MAML2: variants seen among roughly 807,000 people sequenced by gnomAD.
MAML2 encodes mastermind like transcriptional coactivator 2.
In MAML2, 22 loss-of-function variants were observed where a neutral mutation model predicts 96.1. The observed-to-expected ratio is 0.23, with a 90% CI of 0.16 to 0.33. MAML2 has a LOEUF of 0.33. Among genes scored for constraint, MAML2 ranks in the 10% least tolerant of loss-of-function variants. The pLI, the probability that MAML2 is intolerant of heterozygous loss-of-function variation, is 1.00. For synonymous variants in MAML2, 561 were observed against 521.3 expected, an observed-to-expected ratio of 1.08 and a Z score of -1.04; for missense variants, 1,367 against 1,392.4, an observed-to-expected ratio of 0.98 and a Z score of 0.29.
chr11:96,017,717 G>A lies in MAML2; in HGVS notation c.2140-25994C>T, dbSNP rs192058138. Among the ~76,000 whole-genome samples the A allele has an allele frequency of 1.4e-3, 212 of 152,180 alleles. 1 individual carries two copies. The highest frequency in any genetic ancestry group is 2.4e-3 in the Admixed American group (36 of 15,292). On this transcript the variant is annotated intron_variant, in intron 2 of 4. Coordinates refer to ENST00000524717, the MANE Select transcript of MAML2 (RefSeq NM_032427.4). ...GTGAGGGGAGAGCCTTGTGCACAGT[G>A]GAGGGATTTCAAGTCCTGAGTTCTT...
intron 1 of MAML2, among the ~76,000 whole-genome samples, chr11:96,159,973 AGTT>A (rs1238192663): frequency 1.3e-5 from 2 of 152,232 alleles, no homozygotes; most frequent in African/African-American, 4.8e-5. Flanking sequence ...AATTTATTAT[AGTT>A]ATTAATAGCT....
chr11:96,101,744 A>T (rs926310766), intron 1 of MAML2, among the ~76,000 whole-genome samples: 10 of 151,914 alleles, frequency 6.6e-5, no homozygotes, highest in African/African-American at 1.7e-4. Context: ...GGCTGGTCTG[A>T]CACTTCCCAC....
At chr11:96,317,424 T>C (rs1346642728) in intron 1 of MAML2, among the ~76,000 whole-genome samples, 1 of 152,188 alleles carries the variant, frequency 6.6e-6, no homozygotes, top group Non-Finnish European at 1.5e-5. Context: ...AGCCACACAT[T>C]TCATTCCCAG....
At chr11:96,308,810 A>G (rs999351136) in intron 1 of MAML2, among the ~76,000 whole-genome samples, 2 of 152,196 alleles carry the variant, frequency 1.3e-5, no homozygotes, top group Admixed American at 6.5e-5. Context: ...AAGACCTTGA[A>G]GCTGGGGACC....
intron 2 of MAML2, 106 bp from the exon 3 acceptor site, chr11:95,991,829 G>A (rs1857918781): frequency 1.2e-6 from 1 of 830,808 alleles, no homozygotes; most frequent in Non-Finnish European, 2.0e-6. Context: ...TCTTATTAAA[G>A]ATCAAACATG....
intron 1 of MAML2, among the ~76,000 whole-genome samples, chr11:96,178,937 G>C (rs898603347): frequency 4.6e-5 from 7 of 152,276 alleles, no homozygotes; most frequent in African/African-American, 1.7e-4. Context: ...TCTGAAAAAG[G>C]AATCCAATTT....
At chr11:96,056,564 T>C (rs1226283694) in intron 2 of MAML2, among the ~76,000 whole-genome samples, 2 of 152,194 alleles carry the variant, frequency 1.3e-5, no homozygotes, top group African/African-American at 4.8e-5. Context: ...TGACATCTCC[T>C]GCCACAGCCG....
chr11:96,150,592 T>A (rs1845884659), intron 1 of MAML2, among the ~76,000 whole-genome samples: 2 of 151,868 alleles, frequency 1.3e-5, no homozygotes, highest in Admixed American at 6.6e-5. Context: ...GAGCAGAGAG[T>A]TAGGGCAGGG....
intron 2 of MAML2, among the ~76,000 whole-genome samples, chr11:96,043,039 C>A (rs754407316): frequency 1.3e-5 from 2 of 152,182 alleles, no homozygotes; most frequent in African/African-American, 4.8e-5. Flanking sequence ...AGCCACCACC[C>A]GGCGAATCCT....
intron 1 of MAML2, among the ~76,000 whole-genome samples, chr11:96,101,930 A>T (rs908657452): frequency 2.0e-5 from 3 of 152,210 alleles, no homozygotes; most frequent in Admixed American, 6.5e-5. Context: ...TCATAGGTTA[A>T]TGCAAGAACC....
At chr11:96,095,216 A>G (rs1420219209) in intron 1 of MAML2, among the ~76,000 whole-genome samples, 1 of 152,150 alleles carries the variant, frequency 6.6e-6, no homozygotes, top group African/African-American at 2.4e-5. Context: ...AGGGGCAGTA[A>G]CTACAGAGAC....
rs55659413 is a variant in MAML2 at position 96,240,557 on chromosome 11, CAAAAA to C, written c.513+100821_513+100825del. ...TGGGCGACAGAGCGAGACTCCGTCT[CAAAAA>C]AAAAAAAAAAAAAAAAAAAAAGAAA... On this transcript the variant is annotated intron_variant, in intron 1 of 4. Transcript: ENST00000524717. Among the ~76,000 whole-genome samples, 230 of 51,090 alleles carry C rather than the reference CAAAAA, an allele frequency of 4.5e-3. 7 individuals are homozygous for C. The East Asian group carries it at 0.076, about 17-fold the overall frequency. 33.5% of individuals were successfully genotyped at this position (51,090 alleles called of 152,430 possible).
intron 2 of MAML2, among the ~76,000 whole-genome samples, chr11:96,043,224 T>C (rs187218485): frequency 7.2e-5 from 11 of 152,294 alleles, no homozygotes; most frequent in Admixed American, 6.5e-4. Flanking sequence ...ACACAAAAGA[T>C]CAGACACATT....
chr11:96,321,420 G>A (rs974075409), intron 1 of MAML2, among the ~76,000 whole-genome samples: 1 of 152,206 alleles, frequency 6.6e-6, no homozygotes, highest in African/African-American at 2.4e-5. Flanking sequence ...AGATTACTAT[G>A]TGTTTTGTTA....
chr11:95,991,771 G>T (rs758628862), intron 2 of MAML2, 48 bp from the exon 3 acceptor site: 16 of 1,420,308 alleles, frequency 1.1e-5, no homozygotes, highest in Admixed American at 3.5e-5. Flanking sequence ...ATTAAAAAAA[G>T]AAAAATGTAG....
chr11:96,114,860 T>C (rs1024678157), intron 1 of MAML2, among the ~76,000 whole-genome samples: 1 of 152,086 alleles, frequency 6.6e-6, no homozygotes, highest in Non-Finnish European at 1.5e-5. Context: ...CTGATCCCAA[T>C]AGGCAAAGAA....
At chr11:96,175,891 A>G (rs1357928870) in intron 1 of MAML2, among the ~76,000 whole-genome samples, 1 of 152,108 alleles carries the variant, frequency 6.6e-6, no homozygotes, top group African/African-American at 2.4e-5. Flanking sequence ...CATGAGCCAC[A>G]GCGCCTGGCC....
intron 1 of MAML2, among the ~76,000 whole-genome samples, chr11:96,175,270 T>C (rs1861366540): frequency 6.6e-6 from 1 of 152,202 alleles, no homozygotes; most frequent in Non-Finnish European, 1.5e-5. Flanking sequence ...CTATTCCTCA[T>C]CAAGGGAAAT....
intron 1 of MAML2, among the ~76,000 whole-genome samples, chr11:96,265,990 G>A (rs1191012848): frequency 6.6e-6 from 1 of 152,188 alleles, no homozygotes; most frequent in Admixed American, 6.5e-5. Flanking sequence ...GTGTAATTAA[G>A]CTAGTTAACA....
Sources: allele counts gnomAD v4.1 joint callset (sites outside exome capture counted in the v4.1 genomes callset), GRCh38; gene constraint gnomAD v4.1.1; transcripts MANE v1.5; gene names NCBI Gene and HGNC (gene_info 2026-07-23, HGNC 2026-07-21).